Variants in FYN observed in about 807,000 individuals in gnomAD.
The protein encoded by FYN is tyrosine-protein kinase Fyn.
Under a neutral mutation model 70.2 loss-of-function variants are expected in FYN, and 10 were observed. The ratio of observed to expected loss-of-function variants is 0.14; its 90% CI spans 0.09 to 0.24. The LOEUF is 0.24. FYN is among the 10% of genes least tolerant of loss of function. The probability of loss-of-function intolerance (pLI) is 1.00; values close to 1 mark genes in which losing one functional copy is unlikely to be tolerated. For missense variants in FYN, 319 were observed against 673.1 expected, an observed-to-expected ratio of 0.47 and a Z score of 5.82; for synonymous variants, 236 against 248.6, an observed-to-expected ratio of 0.95 and a Z score of 0.48.
At chr6:111,679,230 C>T (rs1798680301) in intron 12 of FYN, among the ~76,000 whole-genome samples, 1 of 152,212 alleles carries the variant, frequency 6.6e-6, no homozygotes, top group Admixed American at 6.5e-5. Flanking sequence ...TGCTCCTAGC[C>T]AAAGTGTTAC....
chr6:111,713,602 T>G (rs1303135776), intron 5 of FYN, among the ~76,000 whole-genome samples: 1 of 152,004 alleles, frequency 6.6e-6, no homozygotes, highest in African/African-American at 2.4e-5. Flanking sequence ...CCACATACAC[T>G]GCCTCAATCT....
At chr6:111,818,973 C>T (rs1057000701) in intron 2 of FYN, among the ~76,000 whole-genome samples, 1 of 152,228 alleles carries the variant, frequency 6.6e-6, no homozygotes, top group African/African-American at 2.4e-5. Context: ...GCTCACCAAG[C>T]TGCAAAACGT....
chr6:111,804,950 A>G (rs1259128901), intron 2 of FYN, among the ~76,000 whole-genome samples: 2 of 152,056 alleles, frequency 1.3e-5, no homozygotes, highest in Admixed American at 6.5e-5. Flanking sequence ...ACACCAGGTG[A>G]TTCTTATGTT....
intron 12 of FYN, among the ~76,000 whole-genome samples, chr6:111,678,573 C>T (rs991415262): frequency 6.6e-6 from 1 of 152,154 alleles, no homozygotes; most frequent in African/African-American, 2.4e-5. Flanking sequence ...ATTTATATCA[C>T]CAGATGGGAC....
chr6:111,661,054 A>C lies in FYN; in HGVS notation c.*685T>G, dbSNP rs6916861. 29,266 of 152,026 alleles carry C rather than the reference A, an allele frequency of 0.19. 3,631 individuals carry two copies. Among genetic ancestry groups the C allele is most frequent in the African/African-American group, 0.35 (14,321 of 41,388 alleles). 9.4% of individuals were successfully genotyped at this position (152,026 alleles called of 1,614,324 possible). ...CCAGGAAAGTGCAATCCAAATGAAAAAATTCATGCTTTGCAAAAGCCAAAA... is the reference window on the plus strand; with the variant it reads ...CCAGGAAAGTGCAATCCAAATGAAACAATTCATGCTTTGCAAAAGCCAAAA... On this transcript the variant is annotated 3_prime_UTR_variant, in exon 14 of 14. Coordinates refer to ENST00000354650, the MANE Select transcript of FYN (RefSeq NM_002037.5). This position sits in a 1 kb window ranked among gnomAD's most constrained non-coding sequence, Gnocchi z 4.0.
chr6:111,738,443 G>A lies in FYN; in HGVS notation c.-11-18381C>T, dbSNP rs541060639. ...GAGTCAGGTGCCCCCAAGGCTCATG[G>A]CTGCAGCCAGGCAAAGCTGCTCACT... On this transcript the variant is annotated intron_variant, in intron 3 of 13. Transcript: ENST00000354650. 2.8e-4 allele frequency among the ~76,000 whole-genome samples: 42 copies of A among 152,318 alleles called. No homozygotes were observed. The South Asian group carries it at 3.1e-3, about 11-fold the overall frequency.
At chr6:111,703,914 T>C in intron 7 of FYN, 85 bp downstream of exon 7, 1 of 1,047,822 alleles carries the variant, frequency 9.5e-7, no homozygotes. Flanking sequence ...TTAAAATCCT[T>C]GTACATTAGA....
chr6:111,869,195 C>T (rs1208402397), intron 1 of FYN, among the ~76,000 whole-genome samples: 3 of 152,240 alleles, frequency 2.0e-5, no homozygotes, highest in African/African-American at 7.2e-5. Context: ...TGGAAGCTCA[C>T]TTAACCTCCG....
chr6:111,740,353 A>T (rs1801905602), intron 3 of FYN, among the ~76,000 whole-genome samples: 5 of 152,336 alleles, frequency 3.3e-5, no homozygotes, highest in Admixed American at 2.6e-4. Context: ...CACTCAGAGG[A>T]TTAACAAAGT....
intron 1 of FYN, among the ~76,000 whole-genome samples, chr6:111,870,857 A>C (rs1478326568): frequency 6.6e-6 from 1 of 152,210 alleles, no homozygotes; most frequent in Non-Finnish European, 1.5e-5. Flanking sequence ...AAACTTGGTC[A>C]ACAGAGTGTG....
At chr6:111,717,668 T>C (rs1356430681) in intron 4 of FYN, among the ~76,000 whole-genome samples, 1 of 152,188 alleles carries the variant, frequency 6.6e-6, no homozygotes, top group Non-Finnish European at 1.5e-5. Flanking sequence ...TTCGCCATGT[T>C]GGCCAGGATG....
chr6:111,663,662 G>A (rs935300271), intron 13 of FYN, among the ~76,000 whole-genome samples: 2 of 152,182 alleles, frequency 1.3e-5, no homozygotes, highest in South Asian at 2.1e-4. Context: ...CCTCACTCAC[G>A]TGTCAGGGCG....
intron 2 of FYN, among the ~76,000 whole-genome samples, chr6:111,842,291 T>C (rs1406782977): frequency 6.6e-6 from 1 of 152,168 alleles, no homozygotes; most frequent in Non-Finnish European, 1.5e-5. Context: ...TGAGGAACAA[T>C]TCCCGTCTGC....
chr6:111,784,962 A>C (rs1185327964), intron 2 of FYN, among the ~76,000 whole-genome samples: 1 of 152,232 alleles, frequency 6.6e-6, no homozygotes, highest in Non-Finnish European at 1.5e-5. Flanking sequence ...TGCTTCACAC[A>C]TAGAAGTGAC....
At chr6:111,852,961 A>T (rs1773724584) in intron 1 of FYN, among the ~76,000 whole-genome samples, 1 of 152,230 alleles carries the variant, frequency 6.6e-6, no homozygotes, top group Non-Finnish European at 1.5e-5. Context: ...CAACAGAACC[A>T]GTTGTGCAAG....
At chr6:111,727,491 A>T (rs981988341) in intron 3 of FYN, among the ~76,000 whole-genome samples, 1 of 152,228 alleles carries the variant, frequency 6.6e-6, no homozygotes, top group Non-Finnish European at 1.5e-5. Flanking sequence ...ACTCTTGGTG[A>T]AGCCTGTGAG....
intron 5 of FYN, among the ~76,000 whole-genome samples, chr6:111,710,104 G>A (rs1800293606): frequency 6.6e-6 from 1 of 152,038 alleles, no homozygotes; most frequent in Non-Finnish European, 1.5e-5. Flanking sequence ...ACAATACCCA[G>A]CTCCTCCCCC....
chr6:111,772,097 A>G (rs1342012549), intron 3 of FYN, among the ~76,000 whole-genome samples: 1 of 152,174 alleles, frequency 6.6e-6, no homozygotes, highest in Non-Finnish European at 1.5e-5. Context: ...TGTGGGAAGA[A>G]AGTGAAAAAT....
chr6:111,749,238 A>T (rs936635751), intron 3 of FYN, among the ~76,000 whole-genome samples: 2 of 152,216 alleles, frequency 1.3e-5, no homozygotes, highest in African/African-American at 4.8e-5. Context: ...CAATATTCAT[A>T]GCCCCAAATA....
Sources: allele counts gnomAD v4.1 joint callset (sites outside exome capture counted in the v4.1 genomes callset), GRCh38; gene constraint gnomAD v4.1.1; non-coding constraint Gnocchi (gnomAD v3.1); transcripts MANE v1.5; gene names NCBI Gene and HGNC (gene_info 2026-07-23, HGNC 2026-07-21).